Variants in SLC9C2 observed in about 807,000 individuals in gnomAD.
The protein encoded by SLC9C2 is solute carrier family 9 member C2 (putative), also known as sodium/hydrogen exchanger 11.
SLC9C2 carries 75 observed loss-of-function variants against 140.2 expected under a neutral mutation model. The observed-to-expected ratio is 0.53, with a 90% CI of 0.44 to 0.65. SLC9C2 has a LOEUF of 0.65. Among genes scored for constraint, SLC9C2 ranks in the 30% least tolerant of loss-of-function variants. The pLI, the probability that SLC9C2 is intolerant of heterozygous loss-of-function variation, is 0.00. For synonymous variants in SLC9C2, 375 were observed against 420.9 expected (o/e 0.89, Z 1.34); for missense variants, 1,074 against 1,331.8 (o/e 0.81, Z 3.01).
In SLC9C2 at chr1:173,517,674, C is replaced by G; in HGVS notation, c.2770G>C (p.Glu924Gln). The change falls in exon 23 of 28, where the codon GAG becomes CAG. Residue 924 changes from glutamate (E) to glutamine (Q), a missense_variant. Coordinates refer to ENST00000367714, the MANE Select transcript of SLC9C2 (RefSeq NM_178527.4). ...CCTCTATCACACCTTTGATTACTCT[C>G]TATTCCAAAGGTAGGAGATAAACTA... Reference protein sequence around the residue: ...LHSLSPTFGIESNQRCDRGSR... With the variant: ...LHSLSPTFGIQSNQRCDRGSR... The G allele has an allele frequency of 6.2e-7, 1 of 1,612,876 alleles. No individual in the cohort carries two copies. Among genetic ancestry groups the G allele is most frequent in the Non-Finnish European group, 8.5e-7 (1 of 1,179,702 alleles).
intron 24 of SLC9C2, among the ~76,000 whole-genome samples, chr1:173,508,308 C>G (rs1276005090): frequency 6.7e-6 from 1 of 148,470 alleles, no homozygotes; most frequent in Non-Finnish European, 1.5e-5. Flanking sequence ...TAGAGATTCT[C>G]TATTTAATAA....
chr1:173,517,071 T>G (rs1307269750), intron 23 of SLC9C2, among the ~76,000 whole-genome samples: 1 of 152,344 alleles, frequency 6.6e-6, no homozygotes, highest in Middle Eastern at 3.4e-3. Flanking sequence ...ATCAGTTATG[T>G]TGAGCTTTTT....
rs943638255 is a variant in SLC9C2 at position 173,588,351 on chromosome 1, A to G, written c.358-521T>C. ...AGAGTTTTGTAATTTCTATGCACAC[A>G]TTGTTTATGCCCAAGTATAAGAAAG... On this transcript the variant is annotated intron_variant, in intron 4 of 27. Coordinates refer to ENST00000367714, the MANE Select transcript of SLC9C2 (RefSeq NM_178527.4). Among the ~76,000 whole-genome samples, 72 of 152,186 alleles carry G rather than the reference A, an allele frequency of 4.7e-4. 1 individual carries two copies. The highest frequency in any genetic ancestry group is 1.6e-3 in the African/African-American group (66 of 41,454).
intron 11 of SLC9C2, 49 bp downstream of exon 11, chr1:173,554,684 G>C: frequency 8.4e-7 from 1 of 1,192,778 alleles, no homozygotes. Context: ...ACAATAACCT[G>C]TTTGTATTAT....
intron 10 of SLC9C2, among the ~76,000 whole-genome samples, chr1:173,556,551 A>C (rs1042549169): frequency 1.3e-5 from 2 of 152,116 alleles, no homozygotes; most frequent in African/African-American, 4.8e-5. Flanking sequence ...TTTTGTTCTA[A>C]GAACTATAAG....
At chr1:173,576,564 GT>G (rs1329850244) in intron 8 of SLC9C2, 96 bp downstream of exon 8, 1 of 682,254 alleles carries the variant, frequency 1.5e-6, no homozygotes, top group Non-Finnish European at 2.4e-6. Context: ...ATAAAGAAAG[GT>G]TATGGAAAAA....
intron 4 of SLC9C2, among the ~76,000 whole-genome samples, chr1:173,592,617 A>G (rs945915362): frequency 6.6e-6 from 1 of 152,132 alleles, no homozygotes; most frequent in Admixed American, 6.5e-5. Context: ...TTTTATGTCA[A>G]TCGTGAATGA....
At chr1:173,581,586 A>G (rs923886390) in intron 7 of SLC9C2, among the ~76,000 whole-genome samples, 1 of 152,190 alleles carries the variant, frequency 6.6e-6, no homozygotes, top group African/African-American at 2.4e-5. Context: ...GCCAGTGACT[A>G]TATACAAAGT....
At position 173,533,642 on chromosome 1, in the gene SLC9C2, A is replaced by G; in HGVS notation, c.2130T>C (p.Tyr710=). The change falls in exon 17 of 28, where the codon TAT becomes TAC. Residue 710 remains tyrosine (Y), a synonymous_variant. Transcript: ENST00000367714. ...ALIQLTVIMG[Y]LRIIRFLPLF... ...GAGGAAGAAACCTAATTATTCTTAAATATCCCATTATTACTGTAAGCTGTA... is the reference window on the plus strand; with the variant it reads ...GAGGAAGAAACCTAATTATTCTTAAGTATCCCATTATTACTGTAAGCTGTA... 6.2e-7 allele frequency: 1 copy of G among 1,601,548 alleles called. No homozygotes were observed. Among genetic ancestry groups the G allele is most frequent in the Non-Finnish European group, 8.5e-7 (1 of 1,174,638 alleles).
intron 9 of SLC9C2, among the ~76,000 whole-genome samples, chr1:173,564,930 C>T (rs1403639369): frequency 6.6e-6 from 1 of 150,538 alleles, no homozygotes. Flanking sequence ...AGCCACCGTG[C>T]CTGGCCGGGT....
chr1:173,597,493 C>T (rs1468108501), intron 4 of SLC9C2, among the ~76,000 whole-genome samples: 2 of 140,622 alleles, frequency 1.4e-5, no homozygotes, highest in Non-Finnish European at 2.9e-5. Flanking sequence ...GTACAACAGG[C>T]ATGATTAAGA....
chr1:173,576,897 A>T lies in SLC9C2; in HGVS notation c.803-137T>A, dbSNP rs958737804. 8 of 614,342 alleles carry T rather than the reference A, an allele frequency of 1.3e-5. No individual in the cohort carries two copies. The African/African-American group carries it at 1.5e-4, about 11-fold the overall frequency. The allele number at this position is 614,342 out of a possible 1,614,324, so 38.1% of individuals were successfully genotyped here. The stretch of plus-strand genomic sequence containing the variant: ...CTTAGAAGGTTGCTTCAAGGGATTG[A>T]CCTAATCCAGTAAACCTGGGGCTGG... On this transcript the variant is annotated intron_variant, in intron 7 of 27. Transcript: ENST00000367714.
chr1:173,505,202 G>A (rs1473143145), intron 26 of SLC9C2, 45 bp downstream of exon 26: 1 of 1,460,312 alleles, frequency 6.8e-7, no homozygotes, highest in Non-Finnish European at 9.6e-7. Flanking sequence ...ATGTATTGAA[G>A]TTCCTTCTCA....
rs752057858 is a variant in SLC9C2 at position 173,523,963 on chromosome 1, C to T, written c.2640+6G>A. On this transcript the variant is annotated splice_donor_region_variant and intron_variant, in intron 21 of 27. Coordinates refer to ENST00000367714, the MANE Select transcript of SLC9C2 (RefSeq NM_178527.4). ...CCTGAGCCAGAATAGAAAACGGAATCTTTACCTTGAAGAAGTCAATGAGAA... is the reference window on the plus strand; with the variant it reads ...CCTGAGCCAGAATAGAAAACGGAATTTTTACCTTGAAGAAGTCAATGAGAA... The T allele has an allele frequency of 1.2e-6, 2 of 1,604,108 alleles. No homozygotes were observed. The highest frequency in any genetic ancestry group is 8.5e-7 in the Non-Finnish European group (1 of 1,177,374).
chr1:173,513,351 G>C (rs1206989632), intron 23 of SLC9C2, among the ~76,000 whole-genome samples: 1 of 152,070 alleles, frequency 6.6e-6, no homozygotes, highest in African/African-American at 2.4e-5. Flanking sequence ...ACTAATTTTT[G>C]GTCTATTCAG....
chr1:173,571,389 AG>A (rs1295841288), intron 9 of SLC9C2: 3 of 152,110 alleles, frequency 2.0e-5, no homozygotes, highest in African/African-American at 7.2e-5. Flanking sequence ...TGCACATACC[AG>A]GCTGGCCCTT....
chr1:173,524,512 T>C (rs963084505), intron 20 of SLC9C2, among the ~76,000 whole-genome samples: 1 of 152,220 alleles, frequency 6.6e-6, no homozygotes, highest in African/African-American at 2.4e-5. Context: ...TATAAAGTAC[T>C]CTGCGTCCTT....
At chr1:173,558,043 G>A (rs748950256) in intron 9 of SLC9C2, among the ~76,000 whole-genome samples, 8 of 151,950 alleles carry the variant, frequency 5.3e-5, no homozygotes, top group Admixed American at 3.3e-4. Flanking sequence ...TTTTCTATAC[G>A]ACCCTGTGCC....
At chr1:173,513,211 CT>C (rs1483840734) in intron 23 of SLC9C2, among the ~76,000 whole-genome samples, 9 of 152,134 alleles carry the variant, frequency 5.9e-5, no homozygotes, top group Non-Finnish European at 1.5e-5. Flanking sequence ...ACCTTTTCAA[CT>C]CTTTGGAGTA....
Sources: gnomAD v4.1 joint callset for allele counts (sites outside exome capture counted in the v4.1 genomes callset) on GRCh38, gnomAD v4.1.1 for gene constraint, MANE v1.5 for transcripts, NCBI Gene and HGNC (gene_info 2026-07-23, HGNC 2026-07-21) for gene names.